The following PRSS23 variants were observed in gnomAD, a reference collection of about 807,000 sequenced individuals.
PRSS23 encodes the protein protease, serine 23.
PRSS23 carries 25 observed loss-of-function variants against 34.7 expected under a neutral mutation model. That is an observed-to-expected ratio of 0.72 (90% confidence interval 0.53 to 1.01). The LOEUF (loss-of-function observed/expected upper bound fraction) is 1.01. Ranked by LOEUF, PRSS23 falls within the 50% of genes least tolerant of loss-of-function variation. The pLI, the probability that PRSS23 is intolerant of heterozygous loss-of-function variation, is 0.00. For synonymous variants in PRSS23, 176 were observed against 186.6 expected (o/e 0.94, Z 0.46); for missense variants, 445 against 475.6 (o/e 0.94, Z 0.60).
chr11:86,920,134 T>C (rs2135002606), intron 2 of PRSS23, among the ~76,000 whole-genome samples: 1 of 152,284 alleles, frequency 6.6e-6, no homozygotes, highest in Middle Eastern at 3.4e-3. Flanking sequence ...GGGCAACAGC[T>C]CAAGGAGCAA....
At chr11:86,926,647 C>T (rs61903810) in intron 2 of PRSS23, among the ~76,000 whole-genome samples, 10,576 of 152,214 alleles carry the variant, frequency 0.069, 515 homozygotes, top group Middle Eastern at 0.13. Context: ...CTTCTCTATG[C>T]ATCTCTTATG....
At chr11:86,951,008 G>T in intron 2 of PRSS23, 1 of 947,206 alleles carries the variant, frequency 1.1e-6, no homozygotes, top group Non-Finnish European at 1.7e-6. Flanking sequence ...GGAGGCAGTG[G>T]GTTGACGGGG....
At chr11:86,925,295 A>AGTGTGTGTGTGTGT (rs5793226) in intron 2 of PRSS23, among the ~76,000 whole-genome samples, 3 of 148,996 alleles carry the variant, frequency 2.0e-5, no homozygotes, top group African/African-American at 7.4e-5. Context: ...GTTTAACTGG[A>AGTGTGTGTGTGTGT]GTGTGTGTGT....
intron 2 of PRSS23, chr11:86,940,819 T>C (rs878885047): frequency 3.3e-5 from 5 of 152,232 alleles, no homozygotes; most frequent in African/African-American, 1.2e-4. Flanking sequence ...GGACTGACCA[T>C]GTACTGTACT....
downstream of PRSS23, among the ~76,000 whole-genome samples, chr11:86,811,694 G>A (rs1474705098): frequency 6.6e-6 from 1 of 152,146 alleles, no homozygotes; most frequent in African/African-American, 2.4e-5. Context: ...GTGTAGCTCA[G>A]TCTACCTGCT....
intron 2 of PRSS23, chr11:86,950,494 ATG>A (rs1250579157): frequency 6.5e-6 from 1 of 154,384 alleles, no homozygotes; most frequent in Non-Finnish European, 1.4e-5. Context: ...TGGATACCTT[ATG>A]TGTGTGAGTA....
intron 2 of PRSS23, among the ~76,000 whole-genome samples, chr11:86,859,306 G>A (rs868660462): frequency 1.3e-5 from 2 of 151,852 alleles, no homozygotes; most frequent in African/African-American, 4.8e-5. Context: ...TTTCAATACC[G>A]CAGAGGGTGT....
At position 86,809,412 on chromosome 11, in the gene PRSS23, A is replaced by G. The variant is rs1183190477; in HGVS notation, c.*617A>G. The stretch of plus-strand genomic sequence containing the variant: ...TGATACACATATTAAACTATACCTT[A>G]TAGTAAACCAGTATCCCAAGCTGCT... On this transcript the variant is annotated 3_prime_UTR_variant, in exon 2 of 2. Transcript: ENST00000280258. The G allele has an allele frequency of 6.0e-6, 1 of 167,086 alleles. No individual in the cohort carries two copies. The allele number at this position is 167,086 out of a possible 1,614,324, so 10.4% of individuals were successfully genotyped here.
intron 2 of PRSS23, among the ~76,000 whole-genome samples, chr11:86,852,977 C>T (rs201426974): frequency 6.6e-5 from 10 of 152,154 alleles, no homozygotes; most frequent in South Asian, 2.1e-4. Context: ...TCTCAGTCTC[C>T]GGAGTAGCTG....
At chr11:86,873,197 T>C (rs201595575) in intron 2 of PRSS23, among the ~76,000 whole-genome samples, 49 of 135,112 alleles carry the variant, frequency 3.6e-4, no homozygotes, top group East Asian at 1.3e-3. Context: ...TACATATATA[T>C]ACACACACAC....
intron 2 of PRSS23, among the ~76,000 whole-genome samples, chr11:86,925,522 A>T (rs1949075503): frequency 6.6e-6 from 1 of 152,176 alleles, no homozygotes; most frequent in Admixed American, 6.5e-5. Context: ...CAAGGCAAAA[A>T]TGAAAACATA....
At chr11:86,901,432 C>T (rs867195279) in intron 2 of PRSS23, among the ~76,000 whole-genome samples, 10 of 152,072 alleles carry the variant, frequency 6.6e-5, no homozygotes, top group African/African-American at 2.4e-4. Context: ...GGCCTGTATA[C>T]CTCATCTCAT....
intron 2 of PRSS23, among the ~76,000 whole-genome samples, chr11:86,849,254 C>T (rs1213242037): frequency 2.6e-5 from 4 of 152,164 alleles, no homozygotes; most frequent in Admixed American, 2.6e-4. Context: ...CACCCTGTAA[C>T]CAGGTATTAC....
At chr11:86,791,523 G>A (rs1486749700) in intron 1 of PRSS23, among the ~76,000 whole-genome samples, 2 of 152,162 alleles carry the variant, frequency 1.3e-5, no homozygotes, top group East Asian at 3.8e-4. Flanking sequence ...TGACAAATTG[G>A]TGCCATTTCC....
intron 2 of PRSS23, among the ~76,000 whole-genome samples, chr11:86,888,138 A>G (rs543279906): frequency 0.015 from 2,231 of 151,654 alleles, 19 homozygotes; most frequent in Middle Eastern, 0.024. Context: ...AAAACAAAAC[A>G]AAACCTAAGC....
intron 2 of PRSS23, among the ~76,000 whole-genome samples, chr11:86,823,750 T>A (rs897763423): frequency 6.6e-6 from 1 of 152,116 alleles, no homozygotes; most frequent in African/African-American, 2.4e-5. Context: ...CTCACGCCTG[T>A]AATCCCAGCA....
intron 1 of PRSS23, among the ~76,000 whole-genome samples, chr11:86,818,365 G>A (rs1948228096): frequency 6.6e-6 from 1 of 152,040 alleles, no homozygotes; most frequent in Non-Finnish European, 1.5e-5. Context: ...CGAGTGCCTG[G>A]GGTGGGAATC....
At chr11:86,821,517 C>T in intron 1 of PRSS23, 3 of 1,611,002 alleles carry the variant, frequency 1.9e-6, no homozygotes, top group South Asian at 1.1e-5. Flanking sequence ...ATCCATTGTT[C>T]AGTTGCTGTC....
At chr11:86,861,295 G>A (rs1948612859) in intron 2 of PRSS23, among the ~76,000 whole-genome samples, 1 of 151,534 alleles carries the variant, frequency 6.6e-6, no homozygotes, top group South Asian at 2.1e-4. Flanking sequence ...GATATGGTTT[G>A]TAATATCCGG....
Sources: allele counts gnomAD v4.1 joint callset (sites outside exome capture counted in the v4.1 genomes callset), GRCh38; gene constraint gnomAD v4.1.1; transcripts MANE v1.5; gene names NCBI Gene and HGNC (gene_info 2026-07-23, HGNC 2026-07-21).